FMN2: variants seen among roughly 807,000 people sequenced by gnomAD.
FMN2 encodes formin-2.
A neutral mutation model predicts 142.3 loss-of-function variants in FMN2; 51 were observed. The observed-to-expected ratio is 0.36, with a 90% CI of 0.29 to 0.45. The LOEUF (loss-of-function observed/expected upper bound fraction) is 0.45, where lower values mean the gene tolerates loss of function less well. FMN2 is among the 20% of genes least tolerant of loss of function. The probability of loss-of-function intolerance (pLI) is 1.00; values close to 1 mark genes in which losing one functional copy is unlikely to be tolerated. For synonymous variants in FMN2, 882 were observed against 869.8 expected (o/e 1.01, Z -0.25); for missense variants, 1,936 against 2,122.8 (o/e 0.91, Z 1.73).
chr1:240,352,156 G>C (rs1057444558), intron 13 of FMN2, among the ~76,000 whole-genome samples: 2 of 152,102 alleles, frequency 1.3e-5, no homozygotes, highest in African/African-American at 4.8e-5. Context: ...GGATTGAAAA[G>C]TCACTACTTG....
intron 1 of FMN2, among the ~76,000 whole-genome samples, chr1:240,114,753 G>A (rs182764626): frequency 6.7e-6 from 1 of 149,288 alleles, no homozygotes; most frequent in Admixed American, 6.7e-5. Context: ...CGCTTCCCAA[G>A]TTCAGGTGAT....
At chr1:240,403,052 G>A (rs1228285636) in intron 15 of FMN2, among the ~76,000 whole-genome samples, 1 of 152,210 alleles carries the variant, frequency 6.6e-6, no homozygotes, top group African/African-American at 2.4e-5. Context: ...AATAAAGCTA[G>A]TAGAAATGAC....
intron 8 of FMN2, among the ~76,000 whole-genome samples, chr1:240,312,297 T>C (rs1044015016): frequency 2.0e-5 from 3 of 152,196 alleles, no homozygotes; most frequent in African/African-American, 7.2e-5. Context: ...GATTTCCACT[T>C]ACCATCTCCT....
chr1:240,148,803 A>C (rs1034630022), intron 2 of FMN2, among the ~76,000 whole-genome samples: 1 of 151,898 alleles, frequency 6.6e-6, no homozygotes, highest in Admixed American at 6.6e-5. Context: ...ACATGGTGAA[A>C]CCCCTAAAAA....
intron 15 of FMN2, among the ~76,000 whole-genome samples, chr1:240,402,145 C>T (rs562082454): frequency 4.6e-5 from 7 of 152,314 alleles, no homozygotes; most frequent in African/African-American, 1.7e-4. Context: ...TTTTTTAAAA[C>T]ATCTTGACTC....
At chr1:240,325,343 C>CAG (rs767180197) in intron 8 of FMN2, among the ~76,000 whole-genome samples, 5 of 108,086 alleles carry the variant, frequency 4.6e-5, no homozygotes, top group African/African-American at 1.7e-4. Flanking sequence ...ACCCTGTCTC[C>CAG]AAAAAAAAAA....
rs773958144 is a variant in FMN2, at chr1:240,474,341, C to T, written c.*187C>T. On this transcript the variant is annotated 3_prime_UTR_variant, in exon 18 of 18. Coordinates refer to ENST00000319653, the MANE Select transcript of FMN2 (RefSeq NM_020066.5). ...CTGTATATTCATATAAAAATGCAAA[C>T]GTACTAGACCAGTGGAGAATTTGAC... 9.3e-6 allele frequency: 5 copies of T among 536,274 alleles called. No homozygotes were observed. The highest frequency in any genetic ancestry group is 7.2e-5 in the South Asian group (2 of 27,902). 33.2% of individuals were successfully genotyped at this position (536,274 alleles called of 1,614,324 possible).
intron 6 of FMN2, among the ~76,000 whole-genome samples, chr1:240,236,659 GAGAA>G (rs1279227332): frequency 6.6e-6 from 1 of 152,150 alleles, no homozygotes; most frequent in East Asian, 1.9e-4. Context: ...GAGGAAGCAA[GAGAA>G]AGAGGAGGAA....
chr1:240,327,029 T>G (rs1444116485), intron 8 of FMN2, among the ~76,000 whole-genome samples: 1 of 152,216 alleles, frequency 6.6e-6, no homozygotes, highest in Non-Finnish European at 1.5e-5. Flanking sequence ...TTTATGAGGC[T>G]GACTCTCATA....
At chr1:240,343,109 T>G (rs1159799316) in intron 13 of FMN2, among the ~76,000 whole-genome samples, 1 of 152,144 alleles carries the variant, frequency 6.6e-6, no homozygotes, top group Non-Finnish European at 1.5e-5. Context: ...CTAACAGATA[T>G]AAAATATTCA....
chr1:240,265,395 T>C (rs1174764315), intron 7 of FMN2, among the ~76,000 whole-genome samples: 1 of 152,162 alleles, frequency 6.6e-6, no homozygotes, highest in Non-Finnish European at 1.5e-5. Flanking sequence ...CAACAGACCA[T>C]GTATGTGATG....
In FMN2 at chr1:240,246,474, T is replaced by C. The variant is rs113621094; in HGVS notation, c.4066-11471T>C. Among the ~76,000 whole-genome samples the C allele has an allele frequency of 9.1e-3, 1,388 of 152,274 alleles. 26 individuals are homozygous for C. Among genetic ancestry groups the C allele is most frequent in the African/African-American group, 0.031 (1,299 of 41,552 alleles). ...GCAGTCTTTGGAATTTGATACTGTT[T>C]TAATCATTTTTCTAGGGGAGGTAAC... On this transcript the variant is annotated intron_variant, in intron 6 of 17. Coordinates refer to ENST00000319653, the MANE Select transcript of FMN2 (RefSeq NM_020066.5).
chr1:240,355,073 A>G (rs897835131), intron 13 of FMN2, among the ~76,000 whole-genome samples: 2 of 152,144 alleles, frequency 1.3e-5, no homozygotes, highest in Admixed American at 6.6e-5. Context: ...ACAGGCATGA[A>G]AAGAGGATAA....
intron 1 of FMN2, among the ~76,000 whole-genome samples, chr1:240,104,220 AAT>A (rs1661522889): frequency 6.7e-6 from 1 of 149,636 alleles, no homozygotes; most frequent in African/African-American, 2.4e-5. Flanking sequence ...TATTATATAT[AAT>A]AGACATTATA....
At chr1:240,165,902 G>C (rs1358777425) in intron 2 of FMN2, among the ~76,000 whole-genome samples, 1 of 151,952 alleles carries the variant, frequency 6.6e-6, no homozygotes, top group Non-Finnish European at 1.5e-5. Flanking sequence ...CTCTCTTAGA[G>C]GTCAGGGTCC....
intron 8 of FMN2, among the ~76,000 whole-genome samples, chr1:240,303,136 T>A (rs1175715850): frequency 1.3e-5 from 2 of 152,194 alleles, no homozygotes; most frequent in Non-Finnish European, 1.5e-5. Context: ...GGCTGCGCTC[T>A]CCTGCCTCAG....
intron 4 of FMN2, among the ~76,000 whole-genome samples, chr1:240,202,938 C>A (rs1390497605): frequency 6.6e-6 from 1 of 152,194 alleles, no homozygotes; most frequent in Non-Finnish European, 1.5e-5. Context: ...TATTTATCAA[C>A]TAACCTTTTT....
chr1:240,353,578 T>C (rs1672167015), intron 13 of FMN2, among the ~76,000 whole-genome samples: 1 of 152,222 alleles, frequency 6.6e-6, no homozygotes, highest in South Asian at 2.1e-4. Flanking sequence ...AGAAGACACA[T>C]AGTTACAAAT....
In FMN2 at chr1:240,172,721, A is replaced by G. The variant is rs552439313; in HGVS notation, c.1783-5200A>G. On this transcript the variant is annotated intron_variant, in intron 2 of 17. Coordinates refer to ENST00000319653, the MANE Select transcript of FMN2 (RefSeq NM_020066.5). ...TCCATGTTTTTTCTTTAAATAGTTA[A>G]TTACCAATAGGTTTAGACATACCAG... Among the ~76,000 whole-genome samples, 26 of 152,202 alleles carry G rather than the reference A, an allele frequency of 1.7e-4. No individual in the cohort carries two copies. In the South Asian group the frequency reaches 2.3e-3, roughly 13 times the overall value.
Sources: allele counts gnomAD v4.1 joint callset (sites outside exome capture counted in the v4.1 genomes callset), GRCh38; gene constraint gnomAD v4.1.1; transcripts MANE v1.5; gene names NCBI Gene and HGNC (gene_info 2026-07-23, HGNC 2026-07-21).